The following ENAH variants were observed in gnomAD, a reference collection of about 807,000 sequenced individuals.
The protein encoded by ENAH is protein enabled homolog.
In ENAH, 23 loss-of-function variants were observed where a neutral mutation model predicts 78.7. That is an observed-to-expected ratio of 0.29 (90% CI 0.21 to 0.41). The LOEUF is 0.41. Ranked by LOEUF, ENAH falls within the 10% of genes least tolerant of loss-of-function variation. The probability of loss-of-function intolerance (pLI) is 1.00; values close to 1 mark genes in which losing one functional copy is unlikely to be tolerated. For synonymous variants in ENAH, 226 were observed against 241.0 expected, an observed-to-expected ratio of 0.94 and a Z score of 0.58; for missense variants, 544 against 691.0, an observed-to-expected ratio of 0.79 and a Z score of 2.39.
At chr1:225,602,986 AT>A (rs2096938218) in intron 1 of ENAH, among the ~76,000 whole-genome samples, 1 of 152,058 alleles carries the variant, frequency 6.6e-6, no homozygotes, top group African/African-American at 2.4e-5. Flanking sequence ...AAAAAAAAAA[AT>A]AAACTTGCTT....
At chr1:225,513,104 TCAG>T (rs1184516718) in intron 7 of ENAH, 88 bp from the exon 8 acceptor site, 2 of 1,192,278 alleles carry the variant, frequency 1.7e-6, no homozygotes, top group South Asian at 2.1e-5. Flanking sequence ...GAAGGAAACA[TCAG>T]CATTAATTTT....
chr1:225,652,549 C>G (rs1436918522), intron 1 of ENAH, 137 bp downstream of exon 1: 5 of 1,061,934 alleles, frequency 4.7e-6, no homozygotes, highest in East Asian at 6.5e-5. Context: ...GGACAAAAGG[C>G]GGAGGGGGGA....
At chr1:225,497,847 T>C (rs777979988) in intron 13 of ENAH, 35 bp from the exon 14 acceptor site, 22 of 1,586,744 alleles carry the variant, frequency 1.4e-5, no homozygotes, top group Non-Finnish European at 1.9e-5. Context: ...AAAATAAATA[T>C]AATGATAAAG....
chr1:225,520,682 C>T (rs1189610577), intron 4 of ENAH, among the ~76,000 whole-genome samples: 1 of 151,914 alleles, frequency 6.6e-6, no homozygotes, highest in African/African-American at 2.4e-5. Flanking sequence ...CAAAGCAAGA[C>T]CCATCTCTAC....
chr1:225,508,253 T>C, intron 10 of ENAH: 1 of 275,152 alleles, frequency 3.6e-6, no homozygotes, highest in Non-Finnish European at 6.6e-6. Context: ...AAACTTACAT[T>C]GTTAAGTCTA....
At chr1:225,646,867 C>G (rs542241625) in intron 1 of ENAH, among the ~76,000 whole-genome samples, 1 of 152,180 alleles carries the variant, frequency 6.6e-6, no homozygotes, top group Non-Finnish European at 1.5e-5. Context: ...TATGGCAGCC[C>G]ACACTAATAC....
intron 1 of ENAH, among the ~76,000 whole-genome samples, chr1:225,594,190 T>A (rs1250525379): frequency 1.3e-5 from 2 of 152,220 alleles, no homozygotes; most frequent in Non-Finnish European, 2.9e-5. Flanking sequence ...TAAATGGATG[T>A]GAAAGTGACA....
chr1:225,519,787 A>G (rs574056638), intron 4 of ENAH, among the ~76,000 whole-genome samples: 3 of 152,308 alleles, frequency 2.0e-5, no homozygotes, highest in African/African-American at 7.2e-5. Flanking sequence ...GCTTCAGCAC[A>G]TTGCACTAAC....
At position 225,498,366 on chromosome 1, in the gene ENAH, T is replaced by C; in HGVS notation, c.1656A>G (p.Leu552=). The C allele has an allele frequency of 6.3e-7, 1 of 1,596,920 alleles. No homozygotes were observed. Among genetic ancestry groups the C allele is most frequent in the African/African-American group, 1.3e-5 (1 of 74,384 alleles). Reference sequence around the variant, plus strand: ...ACTTACCATCAATGAGCTCTTCTTTTAGCTTTGTTAATTCTTTTCTCATTT... The same window carrying C: ...ACTTACCATCAATGAGCTCTTCTTTCAGCTTTGTTAATTCTTTTCTCATTT... The part of the protein sequence containing the change: ...LDEMRKELTK[L]KEELIDAIRQ... Residue 552 remains leucine (L), a synonymous_variant, in exon 13 of 14, where the codon CTA becomes CTG. Coordinates refer to ENST00000366843, the MANE Select transcript of ENAH (RefSeq NM_018212.6).
intron 3 of ENAH, among the ~76,000 whole-genome samples, chr1:225,549,003 C>A (rs926815237): frequency 3.3e-5 from 5 of 152,082 alleles, no homozygotes. Flanking sequence ...GTGCCCGCCA[C>A]CACGCCCAGC....
intron 10 of ENAH, among the ~76,000 whole-genome samples, chr1:225,509,580 G>T (rs1406083023): frequency 6.6e-6 from 1 of 152,068 alleles, no homozygotes; most frequent in Non-Finnish European, 1.5e-5. Context: ...CTTCCTAATT[G>T]GTCTGCCTAT....
chr1:225,653,813 A>G (rs1663496192), upstream of ENAH, among the ~76,000 whole-genome samples: 1 of 152,194 alleles, frequency 6.6e-6, no homozygotes, highest in African/African-American at 2.4e-5. The surrounding 1 kb of genome is among the most constrained non-coding windows in gnomAD (Gnocchi z 4.3). Flanking sequence ...TGCGGAGTTG[A>G]GGAGGGGCAT....
At chr1:225,623,879 G>C (rs555072308) in intron 1 of ENAH, among the ~76,000 whole-genome samples, 2 of 152,012 alleles carry the variant, frequency 1.3e-5, no homozygotes, top group Non-Finnish European at 2.9e-5. Flanking sequence ...GTAAGCCACC[G>C]GGCCCAGTCA....
chr1:225,556,922 CTAT>C (rs2096669878), intron 2 of ENAH, among the ~76,000 whole-genome samples: 1 of 152,184 alleles, frequency 6.6e-6, no homozygotes, highest in African/African-American at 2.4e-5. Flanking sequence ...TGATCCAGCA[CTAT>C]CACTGTGCTG....
intron 1 of ENAH, among the ~76,000 whole-genome samples, chr1:225,651,858 A>G (rs1234138181): frequency 1.3e-5 from 2 of 152,258 alleles, no homozygotes; most frequent in Non-Finnish European, 2.9e-5. Flanking sequence ...GAGAAACAAT[A>G]AAGAAAAATA....
chr1:225,642,121 A>G (rs1304127202), intron 1 of ENAH, among the ~76,000 whole-genome samples: 1 of 151,854 alleles, frequency 6.6e-6, no homozygotes, highest in African/African-American at 2.4e-5. Context: ...GGACTGTTTG[A>G]ACCCAGGAGG....
At chr1:225,615,187 C>A (rs991424068) in intron 1 of ENAH, among the ~76,000 whole-genome samples, 1 of 152,130 alleles carries the variant, frequency 6.6e-6, no homozygotes, top group East Asian at 1.9e-4. Context: ...GGATTGCAGG[C>A]GCGCGCCGCC....
chr1:225,532,249 C>T (rs115612742), intron 3 of ENAH, among the ~76,000 whole-genome samples: 56 of 151,990 alleles, frequency 3.7e-4, no homozygotes, highest in African/African-American at 1.3e-3. Flanking sequence ...TGGGGAGGGG[C>T]GGGTAAATCT....
At chr1:225,497,902 G>T in intron 13 of ENAH, 90 bp from the exon 14 acceptor site, 6 of 1,121,752 alleles carry the variant, frequency 5.3e-6, no homozygotes, top group Non-Finnish European at 7.7e-6. Context: ...TAAGGATTGT[G>T]CTCAAACTCA....
Sources: gnomAD v4.1 joint callset for allele counts (sites outside exome capture counted in the v4.1 genomes callset) on GRCh38, gnomAD v4.1.1 for gene constraint, Gnocchi (gnomAD v3.1) non-coding constraint, MANE v1.5 for transcripts, NCBI Gene and HGNC (gene_info 2026-07-23, HGNC 2026-07-21) for gene names.